The following SNX27 variants were observed in gnomAD, a reference collection of about 807,000 sequenced individuals.
SNX27 encodes the protein sorting nexin-27.
SNX27 carries 22 observed loss-of-function variants against 71.6 expected under a neutral mutation model. That is an observed-to-expected ratio of 0.31 (90% CI 0.22 to 0.44). The LOEUF is 0.44. Ranked by LOEUF, SNX27 falls within the 20% of genes least tolerant of loss-of-function variation. The pLI, the probability that SNX27 is intolerant of heterozygous loss-of-function variation, is 1.00. For synonymous variants in SNX27, 269 were observed against 277.2 expected (o/e 0.97, Z 0.29); for missense variants, 531 against 698.6 (o/e 0.76, Z 2.70).
chr1:151,638,703 A>G (rs930799114), intron 1 of SNX27, among the ~76,000 whole-genome samples, 185 bp from the exon 2 acceptor site: 3 of 152,200 alleles, frequency 2.0e-5, no homozygotes, highest in South Asian at 2.1e-4. Context: ...TCCCCCCGCC[A>G]TAAGTTCACA....
intron 5 of SNX27, among the ~76,000 whole-genome samples, chr1:151,665,580 C>T (rs1286106889): frequency 6.6e-6 from 1 of 151,970 alleles, no homozygotes; most frequent in African/African-American, 2.4e-5. Flanking sequence ...CTATTAAGTA[C>T]ATTTCTTGTA....
At chr1:151,656,413 T>A (rs572667256) in intron 2 of SNX27, among the ~76,000 whole-genome samples, 19 of 152,116 alleles carry the variant, frequency 1.2e-4, no homozygotes, top group South Asian at 4.1e-4. Flanking sequence ...ACTCACATGG[T>A]CAATAAGTAT....
intron 1 of SNX27, among the ~76,000 whole-genome samples, chr1:151,617,360 C>T (rs1667467844): frequency 6.6e-6 from 1 of 152,104 alleles, no homozygotes; most frequent in Non-Finnish European, 1.5e-5. Flanking sequence ...CTCACTGCAA[C>T]CTCCGCCTCC....
In SNX27 at chr1:151,648,220, A is replaced by AT. The variant is rs1232167414; in HGVS notation, c.543+9107dup. ...AGGTGCGCACCACCACGCCCAGCTC[A>AT]TTTTTTGTGTTTTTGGTAGAGATGG... On this transcript the variant is annotated intron_variant, in intron 2 of 11. Transcript: ENST00000458013. Among the ~76,000 whole-genome samples the AT allele has an allele frequency of 2.6e-5, 4 of 151,788 alleles. No individual in the cohort carries two copies. In the East Asian group the frequency reaches 7.8e-4, roughly 29 times the overall value.
chr1:151,690,495 G>T (rs1245623621), intron 8 of SNX27, among the ~76,000 whole-genome samples: 1 of 151,848 alleles, frequency 6.6e-6, no homozygotes, highest in Non-Finnish European at 1.5e-5. Flanking sequence ...CAGTGGTGCA[G>T]TCTCAGCCAG....
chr1:151,636,928 G>C (rs1420278649), intron 1 of SNX27, among the ~76,000 whole-genome samples: 1 of 151,886 alleles, frequency 6.6e-6, no homozygotes, highest in Non-Finnish European at 1.5e-5. Flanking sequence ...TAAATGTTTA[G>C]GAATTGTTCT....
intron 1 of SNX27, among the ~76,000 whole-genome samples, chr1:151,619,030 A>C (rs1469643871): frequency 6.6e-6 from 1 of 151,820 alleles, no homozygotes; most frequent in Admixed American, 6.6e-5. Flanking sequence ...AAAACACCTG[A>C]AATAAGCTTC....
At chr1:151,662,127 A>G (rs1190353859) in intron 4 of SNX27, 39 bp from the exon 5 acceptor site, 4 of 1,426,708 alleles carry the variant, frequency 2.8e-6, no homozygotes, top group Non-Finnish European at 3.9e-6. Flanking sequence ...GTGAAGATAT[A>G]CTGGGCCATA....
At chr1:151,673,691 GA>G (rs1670542211) in intron 7 of SNX27, among the ~76,000 whole-genome samples, 1 of 151,976 alleles carries the variant, frequency 6.6e-6, no homozygotes, top group African/African-American at 2.4e-5. Context: ...ATTTGCTTTA[GA>G]TATTAAATAT....
intron 7 of SNX27, among the ~76,000 whole-genome samples, chr1:151,682,091 T>G (rs1259970208): frequency 6.6e-6 from 1 of 152,218 alleles, no homozygotes; most frequent in Non-Finnish European, 1.5e-5. Context: ...CTTTCAGTGC[T>G]CTCTAATTGT....
intron 1 of SNX27, among the ~76,000 whole-genome samples, chr1:151,624,474 C>A (rs1161509562): frequency 4.1e-5 from 6 of 146,514 alleles, no homozygotes; most frequent in Non-Finnish European, 4.5e-5. Flanking sequence ...CTCTGTCGCC[C>A]AGGCTGGAGT....
At chr1:151,628,897 G>A (rs1261557296) in intron 1 of SNX27, among the ~76,000 whole-genome samples, 1 of 152,100 alleles carries the variant, frequency 6.6e-6, no homozygotes, top group Admixed American at 6.5e-5. Flanking sequence ...TATCAGATGT[G>A]TGTTTTGCAA....
intron 8 of SNX27, among the ~76,000 whole-genome samples, chr1:151,691,466 G>GTTT (rs553869904): frequency 3.0e-5 from 4 of 132,624 alleles, no homozygotes; most frequent in Middle Eastern, 3.6e-3. Context: ...TGTTTTTCTG[G>GTTT]TTTTTTTTTT....
Position 151,633,974 on chromosome 1 carries a change from T to G in SNX27, c.312-4914T>G, listed in dbSNP as rs191984550. Among the ~76,000 whole-genome samples, 1,079 of 149,236 alleles carry G rather than the reference T, an allele frequency of 7.2e-3. 18 individuals carry two copies. The highest frequency in any genetic ancestry group is 0.023 in the African/African-American group (930 of 40,716). ...TGTTTGTGTAGATGTGTATGTGTGT[T>G]TTTTTTTTTTCTCTTGGATAATACC... On this transcript the variant is annotated intron_variant, in intron 1 of 11. Transcript: ENST00000458013.
intron 1 of SNX27, among the ~76,000 whole-genome samples, chr1:151,636,183 G>GA (rs1189995401): frequency 6.6e-6 from 1 of 151,716 alleles, no homozygotes; most frequent in Admixed American, 6.6e-5. Flanking sequence ...TTCTTTAAAG[G>GA]AAAAAAAATC....
intron 3 of SNX27, among the ~76,000 whole-genome samples, chr1:151,658,703 T>A (rs982031281): frequency 5.3e-5 from 8 of 152,144 alleles, no homozygotes; most frequent in African/African-American, 1.7e-4. Flanking sequence ...CTTTTTTTTT[T>A]AGACGGAGTC....
In SNX27 at chr1:151,697,894, C is replaced by G. The variant is rs1369377227; in HGVS notation, c.*3477C>G. On this transcript the variant is annotated 3_prime_UTR_variant, in exon 12 of 12. Coordinates refer to ENST00000458013, the MANE Select transcript of SNX27 (RefSeq NM_001330723.2). ...CCTTCCTCCACACTTGGTTTCTATC[C>G]TCAGGGGTAGAAGCTCAGAGCTTTT... 7 of 152,552 alleles carry G rather than the reference C, an allele frequency of 4.6e-5. No individual in the cohort carries two copies. The East Asian group carries it at 9.6e-4, about 21-fold the overall frequency. 9.4% of individuals were successfully genotyped at this position (152,552 alleles called of 1,614,324 possible).
At chr1:151,651,985 C>A (rs529793623) in intron 2 of SNX27, among the ~76,000 whole-genome samples, 1 of 152,274 alleles carries the variant, frequency 6.6e-6, no homozygotes, top group South Asian at 2.1e-4. Context: ...GGATCACTTG[C>A]GGTTAGGGGC....
chr1:151,612,115 G>A lies in SNX27; in HGVS notation c.-87G>A, dbSNP rs1312122426. Reference sequence around the variant, plus strand: ...CCGGCGGATCGGGCGCGCGCGTCGGGGGTCGTCCGGCTGCCAGGCAGGGCG... The same window carrying A: ...CCGGCGGATCGGGCGCGCGCGTCGGAGGTCGTCCGGCTGCCAGGCAGGGCG... On this transcript the variant is annotated 5_prime_UTR_variant, in exon 1 of 12. Transcript: ENST00000458013. This position sits in a 1 kb window ranked among gnomAD's most constrained non-coding sequence, Gnocchi z 5.2. 3.0e-5 allele frequency: 38 copies of A among 1,254,758 alleles called. No individual in the cohort carries two copies. The highest frequency in any genetic ancestry group is 3.8e-5 in the Non-Finnish European group (38 of 990,302). The allele number at this position is 1,254,758 out of a possible 1,614,324, so 77.7% of individuals were successfully genotyped here. A position where few individuals can be genotyped will look rare whatever the true frequency, so the allele number is the denominator to read the frequency against.
Sources: allele counts gnomAD v4.1 joint callset (sites outside exome capture counted in the v4.1 genomes callset), GRCh38; gene constraint gnomAD v4.1.1; non-coding constraint Gnocchi (gnomAD v3.1); transcripts MANE v1.5; gene names NCBI Gene and HGNC (gene_info 2026-07-23, HGNC 2026-07-21).